Variants in BLNK observed in about 807,000 individuals in gnomAD.
BLNK encodes B-cell linker protein.
BLNK carries 29 observed loss-of-function variants against 73.5 expected under a neutral mutation model. That is an observed-to-expected ratio of 0.39 (90% CI 0.29 to 0.54). The LOEUF is 0.54. Among genes scored for constraint, BLNK ranks in the 20% least tolerant of loss-of-function variants. The probability of loss-of-function intolerance (pLI) is 0.61; values close to 1 mark genes in which losing one functional copy is unlikely to be tolerated. For synonymous variants in BLNK, 176 were observed against 200.8 expected, an observed-to-expected ratio of 0.88 and a Z score of 1.04; for missense variants, 460 against 562.8, an observed-to-expected ratio of 0.82 and a Z score of 1.85.
intron 1 of BLNK, among the ~76,000 whole-genome samples, chr10:96,266,268 A>G (rs992969827): frequency 6.6e-6 from 1 of 152,202 alleles, no homozygotes; most frequent in Non-Finnish European, 1.5e-5. Flanking sequence ...CCAGTAATCT[A>G]GGAGGCAGGG....
rs1267877426 is a variant in BLNK, at chr10:96,190,200, A to G, written c.*1773T>C. The G allele has an allele frequency of 9.0e-6, 7 of 777,182 alleles. No individual in the cohort carries two copies. Among genetic ancestry groups the G allele is most frequent in the East Asian group, 2.5e-5 (1 of 40,618 alleles). The allele number at this position is 777,182 out of a possible 1,614,324, so 48.1% of individuals were successfully genotyped here. A position where few individuals can be genotyped will look rare whatever the true frequency, so the allele number is the denominator to read the frequency against. On this transcript the variant is annotated 3_prime_UTR_variant, in exon 17 of 17. Coordinates refer to ENST00000224337, the MANE Select transcript of BLNK (RefSeq NM_013314.4). Reference sequence around the variant, plus strand: ...TCTGGGCCTCAGGGGGCTCACGTCCATGTCCATCGAATCTTCCATCAGGTG... The same window carrying G: ...TCTGGGCCTCAGGGGGCTCACGTCCGTGTCCATCGAATCTTCCATCAGGTG...
chr10:96,271,542 G>C lies in BLNK; in HGVS notation c.-144C>G. 1 of 802,192 alleles carries C rather than the reference G, an allele frequency of 1.2e-6. No individual in the cohort carries two copies. The allele number at this position is 802,192 out of a possible 1,614,324, so 49.7% of individuals were successfully genotyped here. On this transcript the variant is annotated 5_prime_UTR_variant, in exon 1 of 17. Transcript: ENST00000224337. ...CTGATTTCTGAGAGTGCAGGCTGCT[G>C]GCAAACACCCCTGCTCTAGGGAGAA...
intron 1 of BLNK, among the ~76,000 whole-genome samples, chr10:96,263,306 A>G (rs969541717): frequency 2.0e-5 from 3 of 152,120 alleles, no homozygotes; most frequent in Non-Finnish European, 4.4e-5. Flanking sequence ...GTTCCCTACA[A>G]TGTGTGAAGG....
chr10:96,220,469 T>G lies in BLNK; in HGVS notation c.525+3357A>C, dbSNP rs929246354. 2.8e-4 allele frequency among the ~76,000 whole-genome samples: 43 copies of G among 152,238 alleles called. 1 individual carries two copies. The highest frequency in any genetic ancestry group is 2.4e-4 in the Non-Finnish European group (16 of 68,038). ...CAACTTTCTCATCTTTATAGGGTTT[T>G]AGGAGAAGGAATGTAAAATGTATAT... On this transcript the variant is annotated intron_variant, in intron 6 of 16. Transcript: ENST00000224337.
chr10:96,245,242 C>G (rs1193877973), intron 2 of BLNK, among the ~76,000 whole-genome samples: 1 of 152,062 alleles, frequency 6.6e-6, no homozygotes, highest in African/African-American at 2.4e-5. Flanking sequence ...TTAATTTTAG[C>G]ATAGATTAAA....
chr10:96,227,689 CA>C, intron 4 of BLNK, 123 bp from the exon 5 acceptor site: 1 of 1,482,552 alleles, frequency 6.7e-7, no homozygotes, highest in South Asian at 1.1e-5. Flanking sequence ...AGGTTGACTT[CA>C]AAAGGCTAGG....
At chr10:96,206,517 C>G (rs12220211) in intron 11 of BLNK, among the ~76,000 whole-genome samples, 1 of 143,022 alleles carries the variant, frequency 7.0e-6, no homozygotes, top group African/African-American at 2.6e-5. Context: ...CACCACTGCA[C>G]TCCAGTCTGG....
intron 16 of BLNK, among the ~76,000 whole-genome samples, chr10:96,195,832 TA>T (rs1554894572): frequency 6.6e-6 from 1 of 152,214 alleles, no homozygotes; most frequent in African/African-American, 2.4e-5. Flanking sequence ...AAAGGCAAAA[TA>T]AAGAATACAC....
chr10:96,193,687 A>G (rs1159001642), intron 16 of BLNK, among the ~76,000 whole-genome samples: 6 of 152,212 alleles, frequency 3.9e-5, no homozygotes, highest in Admixed American at 3.9e-4. Flanking sequence ...GGACAGAAAA[A>G]CAACGTATTG....
intron 6 of BLNK, among the ~76,000 whole-genome samples, chr10:96,220,430 T>C (rs1438197788): frequency 6.6e-6 from 1 of 152,214 alleles, no homozygotes; most frequent in Non-Finnish European, 1.5e-5. Context: ...CAAATTCTGT[T>C]TGTAGTGTCT....
chr10:96,262,379 G>A lies in BLNK; in HGVS notation c.47+8973C>T, dbSNP rs79387228. On this transcript the variant is annotated intron_variant, in intron 1 of 16. Transcript: ENST00000224337. The stretch of plus-strand genomic sequence containing the variant: ...GCATTCATTGAGCTCTTACTCTCCG[G>A]TATACAGAGGTACTGTTCTAATACC... 6.2e-3 allele frequency among the ~76,000 whole-genome samples: 942 copies of A among 152,194 alleles called. 7 individuals carry two copies. The highest frequency in any genetic ancestry group is 0.021 in the African/African-American group (852 of 41,522).
At chr10:96,213,651 T>C (rs1042463213) in intron 8 of BLNK, among the ~76,000 whole-genome samples, 1 of 147,482 alleles carries the variant, frequency 6.8e-6, no homozygotes, top group Non-Finnish European at 1.5e-5. Flanking sequence ...GAGGAGGTCC[T>C]TGTAAGGCAA....
chr10:96,238,050 C>A (rs1238273850), intron 3 of BLNK, among the ~76,000 whole-genome samples: 1 of 152,200 alleles, frequency 6.6e-6, no homozygotes, highest in East Asian at 1.9e-4. Flanking sequence ...TGCATTCTGC[C>A]CAGTGGGCCA....
In BLNK at chr10:96,204,046, G is replaced by A. The variant is rs376660776; in HGVS notation, c.934+11C>T. ...ACTCCCTGATACACTACATGGCTTC[G>A]TTGTACTTACTTGGCAGAGGTATGG... On this transcript the variant is annotated intron_variant, in intron 13 of 16. Transcript: ENST00000224337. The A allele has an allele frequency of 1.1e-5, 17 of 1,611,506 alleles. No homozygotes were observed. Among genetic ancestry groups the A allele is most frequent in the African/African-American group, 8.0e-5 (6 of 74,842 alleles).
intron 1 of BLNK, among the ~76,000 whole-genome samples, chr10:96,266,863 C>T (rs1220404091): frequency 6.6e-6 from 1 of 152,194 alleles, no homozygotes; most frequent in Non-Finnish European, 1.5e-5. Context: ...GTTGTGTTTG[C>T]TTTTTATTGA....
Position 96,263,679 on chromosome 10 carries a change from TG to T in BLNK, c.47+7672del, listed in dbSNP as rs1297252572. On this transcript the variant is annotated intron_variant, in intron 1 of 16. Transcript: ENST00000224337. ...TGAAATAAGGAGGAGGAGGGGCTTG[TG>T]GGGAGGGCTCTTTTCTTTTTGGAAC... 2.6e-5 allele frequency among the ~76,000 whole-genome samples: 4 copies of T among 152,140 alleles called. No individual in the cohort carries two copies. In the South Asian group the frequency reaches 8.3e-4, roughly 32 times the overall value.
In BLNK at chr10:96,200,473, C is replaced by A. The variant is rs977297370; in HGVS notation, c.1012-315G>T. On this transcript the variant is annotated intron_variant, in intron 14 of 16. Transcript: ENST00000224337. This position sits in a 1 kb window ranked among gnomAD's most constrained non-coding sequence, Gnocchi z 4.3. ...GTGGAGTGCTTTACAATTTCCAAAG[C>A]ATTTTTACAAATATTATTTTATTTG... is the stretch of plus-strand genomic sequence containing the variant. Among the ~76,000 whole-genome samples, 4 of 152,242 alleles carry A rather than the reference C, an allele frequency of 2.6e-5. No homozygotes were observed. In the South Asian group the frequency reaches 8.3e-4, roughly 32 times the overall value.
At chr10:96,241,154 CT>C (rs1842869806) in intron 3 of BLNK, among the ~76,000 whole-genome samples, 1 of 152,166 alleles carries the variant, frequency 6.6e-6, no homozygotes, top group Admixed American at 6.5e-5. Context: ...ATAAGATTCC[CT>C]TAGGAGGAAC....
At chr10:96,229,194 G>A (rs1446151144) in intron 4 of BLNK, among the ~76,000 whole-genome samples, 1 of 151,784 alleles carries the variant, frequency 6.6e-6, no homozygotes, top group Non-Finnish European at 1.5e-5. Context: ...CTATATTTTT[G>A]CACCCATTAA....
Sources: allele counts gnomAD v4.1 joint callset (sites outside exome capture counted in the v4.1 genomes callset), GRCh38; gene constraint gnomAD v4.1.1; non-coding constraint Gnocchi (gnomAD v3.1); transcripts MANE v1.5; gene names NCBI Gene and HGNC (gene_info 2026-07-23, HGNC 2026-07-21).